Variants in ADARB2 observed in about 807,000 individuals in gnomAD.
ADARB2 encodes the protein inactive double-stranded RNA-specific editase B2.
ADARB2 carries 25 observed loss-of-function variants against 62.2 expected under a neutral mutation model. The observed-to-expected ratio is 0.40, with a 90% CI of 0.29 to 0.56. ADARB2 has a LOEUF of 0.56. ADARB2 is among the 20% of genes least tolerant of loss of function. The pLI, the probability that ADARB2 is intolerant of heterozygous loss-of-function variation, is 0.43. For missense variants in ADARB2, 1,071 were observed against 1,077.4 expected (o/e 0.99, Z 0.08); for synonymous variants, 572 against 500.8 (o/e 1.14, Z -1.90).
rs1052181707 is a variant in ADARB2 at position 1,190,266 on chromosome 10, C to T, written c.1865-5227G>A. Among the ~76,000 whole-genome samples, 76 of 152,074 alleles carry T rather than the reference C, an allele frequency of 5.0e-4. 5 individuals are homozygous for T. ...TACACGTGCTTGCACAGGGGTCCCA[C>T]GCTTCTCACTCTGCAGGCCGCCCTG... On this transcript the variant is annotated intron_variant, in intron 8 of 9. Coordinates refer to ENST00000381312, the MANE Select transcript of ADARB2 (RefSeq NM_018702.4).
intron 1 of ADARB2, among the ~76,000 whole-genome samples, chr10:1,700,359 G>A (rs865806455): frequency 7.2e-4 from 3 of 4,152 alleles, no homozygotes; most frequent in Non-Finnish European, 2.3e-3. Flanking sequence ...CCACTCCACC[G>A]GGAGACCAGG....
intron 1 of ADARB2, among the ~76,000 whole-genome samples, chr10:1,706,350 G>A (rs1225855100): frequency 6.6e-6 from 1 of 152,190 alleles, no homozygotes; most frequent in Non-Finnish European, 1.5e-5. Context: ...GAGAACTGGG[G>A]AATAGGAACA....
intron 1 of ADARB2, among the ~76,000 whole-genome samples, chr10:1,418,511 C>G (rs1486424888): frequency 2.0e-5 from 3 of 152,230 alleles, no homozygotes; most frequent in African/African-American, 7.2e-5. Flanking sequence ...TGTCACTTAA[C>G]TAATTTCCTT....
chr10:1,198,333 TCAAG>T (rs1836938026), intron 8 of ADARB2, among the ~76,000 whole-genome samples: 1 of 152,218 alleles, frequency 6.6e-6, no homozygotes, highest in African/African-American at 2.4e-5. Flanking sequence ...GAGGGAAGCT[TCAAG>T]CAAACTTCAT....
At chr10:1,248,575 G>T (rs990181152) in intron 4 of ADARB2, among the ~76,000 whole-genome samples, 3 of 152,228 alleles carry the variant, frequency 2.0e-5, no homozygotes, top group Non-Finnish European at 4.4e-5. Flanking sequence ...GGTACTCGGA[G>T]CCAGGAGAAG....
rs550514547 is a variant in ADARB2 at position 1,426,129 on chromosome 10, A to T, written c.101-46969T>A. ...GATCTATAATGACACAACAAAACTC[A>T]TATAGAGAAGGGGAATCAAGATCTG... On this transcript the variant is annotated intron_variant, in intron 1 of 9. Transcript: ENST00000381312. The surrounding 1 kb of genome is among the most constrained non-coding windows in gnomAD (Gnocchi z 4.1). Among the ~76,000 whole-genome samples, 141 of 152,286 alleles carry T rather than the reference A, an allele frequency of 9.3e-4. No individual in the cohort carries two copies. Among genetic ancestry groups the T allele is most frequent in the Non-Finnish European group, 1.2e-3 (80 of 68,016 alleles).
intron 1 of ADARB2, among the ~76,000 whole-genome samples, chr10:1,456,078 G>A (rs1426274071): frequency 6.6e-6 from 1 of 152,114 alleles, no homozygotes; most frequent in African/African-American, 2.4e-5. Context: ...CATTAACTAA[G>A]CTAAACTCAA....
intron 4 of ADARB2, among the ~76,000 whole-genome samples, chr10:1,269,228 CAA>C (rs1415184156): frequency 1.1e-4 from 16 of 152,002 alleles, no homozygotes. Context: ...TAAAATTTAC[CAA>C]AGTTTTGTTT....
intron 1 of ADARB2, among the ~76,000 whole-genome samples, chr10:1,496,940 A>G (rs1831700446): frequency 6.6e-6 from 1 of 152,158 alleles, no homozygotes; most frequent in Non-Finnish European, 1.5e-5. Flanking sequence ...ACCACATATT[A>G]AGAGGTCTTA....
At chr10:1,324,057 AAAAC>A (rs1389736589) in intron 3 of ADARB2, among the ~76,000 whole-genome samples, 11 of 152,256 alleles carry the variant, frequency 7.2e-5, no homozygotes, top group African/African-American at 1.2e-4. Flanking sequence ...CTTATCAGCA[AAAAC>A]AAACAATTAA....
intron 1 of ADARB2, among the ~76,000 whole-genome samples, chr10:1,655,861 A>C (rs909831471): frequency 5.3e-5 from 8 of 152,236 alleles, no homozygotes; most frequent in Non-Finnish European, 1.0e-4. Flanking sequence ...ACCTCTTGGA[A>C]GGAGGAAGAA....
rs12414717 is a variant in ADARB2, at chr10:1,617,309, C to A, written c.100+119742G>T. Among the ~76,000 whole-genome samples the A allele has an allele frequency of 8.3e-3, 559 of 67,232 alleles. 9 individuals are homozygous for A. The highest frequency in any genetic ancestry group is 0.045 in the East Asian group (71 of 1,582). 44.1% of individuals were successfully genotyped at this position (67,232 alleles called of 152,430 possible). On this transcript the variant is annotated intron_variant, in intron 1 of 9. Transcript: ENST00000381312. The stretch of plus-strand genomic sequence containing the variant: ...ATGTTTGTGTGCCCGTCCAGACACA[C>A]TCCACACCGCCCTGCTGAGCTCTGC...
At chr10:1,241,411 G>A (rs530556685) in intron 5 of ADARB2, among the ~76,000 whole-genome samples, 16 of 152,312 alleles carry the variant, frequency 1.1e-4, no homozygotes, top group Middle Eastern at 3.4e-3. Flanking sequence ...CCCATTACTC[G>A]TAGATTTGAG....
chr10:1,460,232 AC>A (rs1831155252), intron 1 of ADARB2, among the ~76,000 whole-genome samples: 1 of 21,554 alleles, frequency 4.6e-5, no homozygotes, highest in African/African-American at 1.2e-4. Flanking sequence ...CCTGCCTGTG[AC>A]CTGAGTTTAC....
At chr10:1,584,098 G>A (rs749953618) in intron 1 of ADARB2, among the ~76,000 whole-genome samples, 9 of 152,068 alleles carry the variant, frequency 5.9e-5, no homozygotes, top group Non-Finnish European at 1.3e-4. Flanking sequence ...TTTTAGATAC[G>A]ACACCCAAGA....
At chr10:1,717,156 CTTTTT>C (rs397969884) in intron 1 of ADARB2, among the ~76,000 whole-genome samples, 6 of 63,272 alleles carry the variant, frequency 9.5e-5, no homozygotes, top group Admixed American at 4.2e-4. Flanking sequence ...TTGTAGTGTG[CTTTTT>C]TTTTTTTTTT....
intron 1 of ADARB2, among the ~76,000 whole-genome samples, chr10:1,524,059 A>AAGATAGATAGAT (rs34113585): frequency 4.8e-4 from 65 of 134,834 alleles, no homozygotes; most frequent in East Asian, 6.8e-4. Flanking sequence ...TGGGGATATG[A>AAGATAGATAGAT]AGATAGATAG....
At chr10:1,537,499 A>G (rs1287337890) in intron 1 of ADARB2, among the ~76,000 whole-genome samples, 1 of 152,262 alleles carries the variant, frequency 6.6e-6, no homozygotes. Flanking sequence ...TCTACTATAA[A>G]GACACATGCA....
intron 1 of ADARB2, among the ~76,000 whole-genome samples, chr10:1,476,164 A>G (rs1171055919): frequency 1.3e-5 from 2 of 152,160 alleles, no homozygotes; most frequent in Admixed American, 1.3e-4. Flanking sequence ...AGAGAGAGAG[A>G]CAGAAAAAGA....
Sources: allele counts gnomAD v4.1 joint callset (sites outside exome capture counted in the v4.1 genomes callset), GRCh38; gene constraint gnomAD v4.1.1; non-coding constraint Gnocchi (gnomAD v3.1); transcripts MANE v1.5; gene names NCBI Gene and HGNC (gene_info 2026-07-23, HGNC 2026-07-21).